LPA: variants seen among roughly 807,000 people sequenced by gnomAD.
LPA encodes the protein apolipoprotein(a).
A neutral mutation model predicts 197.9 loss-of-function variants in LPA; 199 were observed. The ratio of observed to expected loss-of-function variants is 1.01; its 90% CI spans 0.90 to 1.13. The LOEUF (loss-of-function observed/expected upper bound fraction) is 1.13. Ranked by LOEUF, LPA falls within the 50% of genes most tolerant of loss-of-function variation. The pLI is 0.00. For missense variants in LPA, 1,853 were observed against 1,785.8 expected (o/e 1.04, Z -0.68); for synonymous variants, 715 against 639.5 (o/e 1.12, Z -1.78).
chr6:160,561,190 A>G (rs1256794879), intron 28 of LPA, among the ~76,000 whole-genome samples: 1 of 152,076 alleles, frequency 6.6e-6, no homozygotes, highest in Non-Finnish European at 1.5e-5. Flanking sequence ...TAGGGTTTTT[A>G]TGGTTTTAGG....
Position 160,586,773 on chromosome 6 carries a change from T to C in LPA, c.3948-143A>G, listed in dbSNP as rs115365875. The C allele has an allele frequency of 4.6e-4, 501 of 1,096,968 alleles. 2 individuals are homozygous for C. In the African/African-American group the frequency reaches 7.0e-3, roughly 15 times the overall value. 68.0% of individuals were successfully genotyped at this position (1,096,968 alleles called of 1,614,324 possible). ...AAAGTCCCATAACACTCACAAATGG[T>C]CCTCAACTTCTAAACAACTGTCAAC... On this transcript the variant is annotated intron_variant, in intron 24 of 38. Coordinates refer to ENST00000316300, the MANE Select transcript of LPA (RefSeq NM_005577.4).
chr6:160,589,447 G>T (rs962106407), intron 24 of LPA, 106 bp downstream of exon 24: 5 of 1,317,608 alleles, frequency 3.8e-6, no homozygotes, highest in South Asian at 1.2e-5. Flanking sequence ...CCAACATTCT[G>T]GGTCTGAGAG....
intron 26 of LPA, among the ~76,000 whole-genome samples, chr6:160,579,190 A>G (rs931651051): frequency 1.3e-5 from 2 of 152,180 alleles, no homozygotes; most frequent in Admixed American, 1.3e-4. Context: ...CCAAGATTAT[A>G]TAATTCCCAT....
chr6:160,597,073 T>A (rs185286124), intron 20 of LPA, among the ~76,000 whole-genome samples: 4 of 152,336 alleles, frequency 2.6e-5, no homozygotes, highest in Non-Finnish European at 5.9e-5. Flanking sequence ...TTTAAATCTA[T>A]GGAGACTTGC....
intron 26 of LPA, among the ~76,000 whole-genome samples, chr6:160,582,677 CT>C (rs1778823835): frequency 6.6e-6 from 1 of 152,028 alleles, no homozygotes; most frequent in East Asian, 1.9e-4. Context: ...TACAGCTTTA[CT>C]TTTTAAAATC....
chr6:160,604,095 C>G (rs757028849), intron 18 of LPA, among the ~76,000 whole-genome samples: 4 of 152,166 alleles, frequency 2.6e-5, no homozygotes, highest in Admixed American at 1.3e-4. Context: ...GCCAAAGATT[C>G]GAGGAGACTA....
intron 22 of LPA, among the ~76,000 whole-genome samples, chr6:160,592,025 A>T (rs575565448): frequency 1.3e-5 from 2 of 152,264 alleles, no homozygotes; most frequent in East Asian, 1.9e-4. Context: ...TCTATACCTG[A>T]GTCATTGAGC....
intron 15 of LPA, 130 bp from the exon 16 acceptor site, chr6:160,611,851 A>T: frequency 1.2e-6 from 1 of 860,610 alleles, no homozygotes; most frequent in Non-Finnish European, 1.7e-6. Flanking sequence ...CTGTAGGCAG[A>T]TGGATGGGAG....
chr6:160,542,405 C>A (rs1329165638), intron 34 of LPA, among the ~76,000 whole-genome samples: 1 of 152,188 alleles, frequency 6.6e-6, no homozygotes, highest in Non-Finnish European at 1.5e-5. Flanking sequence ...CTCAGAGCAT[C>A]TTCAATATTT....
At chr6:160,648,759 T>C (rs905339978) in intron 2 of LPA, among the ~76,000 whole-genome samples, 14 of 152,312 alleles carry the variant, frequency 9.2e-5, no homozygotes, top group Middle Eastern at 3.4e-3. Flanking sequence ...TCGATTTGGC[T>C]CTTTATACTC....
At chr6:160,580,852 T>C (rs1420255320) in intron 26 of LPA, among the ~76,000 whole-genome samples, 3 of 152,230 alleles carry the variant, frequency 2.0e-5, no homozygotes, top group African/African-American at 4.8e-5. Context: ...TCTTCCAGTG[T>C]GTTACTTACT....
Position 160,595,354 on chromosome 6 carries a change from C to G in LPA, c.3469G>C (p.Ala1157Pro). 1.9e-6 allele frequency: 3 copies of G among 1,612,110 alleles called. No individual in the cohort carries two copies. The highest frequency in any genetic ancestry group is 1.6e-4 in the Middle Eastern group (1 of 6,062). The change falls in exon 21 of 39, where the codon GCA becomes CCA. Residue 1157 changes from alanine to proline, a missense_variant and splice_region_variant. Transcript: ENST00000316300. Reference protein sequence around the residue: ...DPSTEASSEEAPTEQSPGVQD... With the variant: ...DPSTEASSEEPPTEQSPGVQD... ...GGTTGTCTGGCCATAGACTTCCTAC[C>G]TTCTTCAGAAGAAGCCTCTGTGCTT...
At chr6:160,566,151 C>G (rs1778450444) in intron 28 of LPA, among the ~76,000 whole-genome samples, 1 of 152,098 alleles carries the variant, frequency 6.6e-6, no homozygotes, top group South Asian at 2.1e-4. Flanking sequence ...CAAAGGCAGG[C>G]CAACATTCAA....
chr6:160,588,621 G>T (rs1458236172), intron 24 of LPA, among the ~76,000 whole-genome samples: 3 of 152,160 alleles, frequency 2.0e-5, no homozygotes, highest in Admixed American at 6.5e-5. Context: ...GCCTTGAGGA[G>T]ACTTCTGTGT....
At chr6:160,607,332 A>G (rs1779377332) in intron 16 of LPA, among the ~76,000 whole-genome samples, 1 of 152,136 alleles carries the variant, frequency 6.6e-6, no homozygotes, top group South Asian at 2.1e-4. Flanking sequence ...CCCAGGCAGA[A>G]TGCAGCATCT....
intron 30 of LPA, among the ~76,000 whole-genome samples, chr6:160,555,379 AG>A (rs1355766003): frequency 7.0e-6 from 1 of 143,030 alleles, no homozygotes; most frequent in Admixed American, 7.2e-5. Flanking sequence ...TGCAGGCTAT[AG>A]GGTATTTGGT....
intron 1 of LPA, 90 bp downstream of exon 1, chr6:160,664,076 A>C: frequency 1.7e-6 from 2 of 1,207,370 alleles, no homozygotes; most frequent in Non-Finnish European, 2.4e-6. Flanking sequence ...CAAAAATTAA[A>C]TGAATTGCAC....
intron 16 of LPA, among the ~76,000 whole-genome samples, chr6:160,608,361 G>A (rs1779405802): frequency 6.6e-6 from 1 of 152,080 alleles, no homozygotes; most frequent in Admixed American, 6.6e-5. Context: ...GCTGGATTTA[G>A]CATTCTTGGT....
At chr6:160,588,630 G>A (rs1430018770) in intron 24 of LPA, among the ~76,000 whole-genome samples, 1 of 152,108 alleles carries the variant, frequency 6.6e-6, no homozygotes, top group African/African-American at 2.4e-5. Context: ...AGACTTCTGT[G>A]TGTATTCCTG....
Sources: allele counts gnomAD v4.1 joint callset (sites outside exome capture counted in the v4.1 genomes callset), GRCh38; gene constraint gnomAD v4.1.1; transcripts MANE v1.5; gene names NCBI Gene and HGNC (gene_info 2026-07-23, HGNC 2026-07-21).